ANKRD30A: variants seen among roughly 807,000 people sequenced by gnomAD.
ANKRD30A encodes ankyrin repeat domain-containing protein 30A.
A neutral mutation model predicts 166.3 loss-of-function variants in ANKRD30A; 170 were observed. The observed-to-expected ratio is 1.02, with a 90% CI of 0.90 to 1.16. ANKRD30A has a LOEUF of 1.16. Ranked by LOEUF, ANKRD30A falls within the 50% of genes most tolerant of loss-of-function variation. The probability of loss-of-function intolerance (pLI) is 0.00; values close to 1 mark genes in which losing one functional copy is unlikely to be tolerated. For missense variants in ANKRD30A, 1,630 were observed against 1,518.0 expected, an observed-to-expected ratio of 1.07 and a Z score of -1.23; for synonymous variants, 564 against 508.9, an observed-to-expected ratio of 1.11 and a Z score of -1.46.
At chr10:37,198,103 G>C (rs543595368) in intron 29 of ANKRD30A, among the ~76,000 whole-genome samples, 34 of 152,140 alleles carry the variant, frequency 2.2e-4, no homozygotes, top group African/African-American at 7.9e-4. Context: ...TGAAGTGTTT[G>C]GCTTTAGAGT....
At chr10:37,262,030 TA>T in the ANKRD30A span, 1 of 152,642 alleles carries the variant, frequency 6.6e-6, no homozygotes, top group African/African-American at 2.4e-5. Context: ...TTCCTTATTT[TA>T]AATCTTCAAA....
At chr10:37,206,065 G>C (rs1255716546) in intron 31 of ANKRD30A, among the ~76,000 whole-genome samples, 1 of 152,098 alleles carries the variant, frequency 6.6e-6, no homozygotes, top group Non-Finnish European at 1.5e-5. Context: ...ATAGATGCAC[G>C]ATATTACTTC....
intron 24 of ANKRD30A, chr10:37,178,713 G>GA (rs1343767426): frequency 1.4e-6 from 1 of 706,422 alleles, no homozygotes; most frequent in African/African-American, 1.9e-5. Context: ...GAAAGAGTGG[G>GA]AAAAAATAAT....
chr10:37,209,774 C>T (rs530575902), intron 31 of ANKRD30A, among the ~76,000 whole-genome samples: 36 of 152,052 alleles, frequency 2.4e-4, no homozygotes, highest in African/African-American at 8.2e-4. Flanking sequence ...ACTTAATCTT[C>T]TTTTATATAT....
rs1366971593 is a variant in ANKRD30A at position 37,153,628 on chromosome 10, A to G, written c.1764A>G (p.Gln588=). ...TGTGTTTACCCAAGGCTACACATCA[A>G]AAAGAAATAGATAAAATAAATGGAA... ...KDVCLPKATH[Q]KEIDKINGKL... is the part of the protein sequence containing the mutation. The change falls in exon 13 of 36, where the codon CAA becomes CAG. Residue 588 remains glutamine, a synonymous_variant. Transcript: ENST00000361713. The G allele has an allele frequency of 1.2e-6, 2 of 1,611,858 alleles. No individual in the cohort carries two copies. Among genetic ancestry groups the G allele is most frequent in the African/African-American group, 2.7e-5 (2 of 74,860 alleles).
In ANKRD30A at chr10:37,219,843, T is replaced by A; in HGVS notation, c.4131T>A (p.Asn1377Lys). Reference sequence around the variant, plus strand: ...AAAATGAGGAGATATTTAATTACAATAACCATTTAAAAAACCGTATATATC... The same window carrying A: ...AAAATGAGGAGATATTTAATTACAAAAACCATTTAAAAAACCGTATATATC... Reference protein sequence around the residue: ...KEKNEEIFNYNNHLKNRIYQY... With the variant: ...KEKNEEIFNYKNHLKNRIYQY... The change falls in exon 34 of 36, where the codon AAT (asparagine) becomes AAA (lysine). Residue 1377 changes from asparagine to lysine, a missense_variant. Coordinates refer to ENST00000361713, the MANE Select transcript of ANKRD30A (RefSeq NM_052997.3). 6.3e-7 allele frequency: 1 copy of A among 1,584,710 alleles called. No individual in the cohort carries two copies.
At chr10:37,190,114 A>C (rs1471942328) in intron 25 of ANKRD30A, among the ~76,000 whole-genome samples, 1 of 151,942 alleles carries the variant, frequency 6.6e-6, no homozygotes, top group Non-Finnish European at 1.5e-5. Flanking sequence ...AGGTGAGAAT[A>C]AGCATATCTG....
intron 11 of ANKRD30A, 86 bp from the exon 12 acceptor site, chr10:37,151,974 G>A (rs367660636): frequency 7.2e-5 from 88 of 1,219,768 alleles, no homozygotes; most frequent in Admixed American, 2.9e-4. Flanking sequence ...CCACAGATTC[G>A]TGAATGAAAG....
chr10:37,130,370 C>A lies in ANKRD30A; in HGVS notation c.502C>A (p.His168Asn). 1 of 1,505,586 alleles carries A rather than the reference C, an allele frequency of 6.6e-7. No homozygotes were observed. The highest frequency in any genetic ancestry group is 8.9e-7 in the Non-Finnish European group (1 of 1,124,546). The allele number at this position is 1,505,586 out of a possible 1,614,324, so 93.3% of individuals were successfully genotyped here. The stretch of plus-strand genomic sequence containing the variant: ...GTCCCATGGTGCAGTCATCGAAGTG[C>A]ACAACAAGGTAGACACTAACCAATG... Reference protein sequence around the residue: ...LLSHGAVIEVHNKASLTPLLL... With the variant: ...LLSHGAVIEVNNKASLTPLLL... Residue 168 changes from histidine (H) to asparagine (N), a missense_variant, in exon 3 of 36, where the codon CAC (histidine) becomes AAC (asparagine). Around this residue, in one of 4 missense-constraint regions of ANKRD30A, gnomAD observed 904 missense variants for 818.5 expected, o/e 1.10. Coordinates refer to ENST00000361713, the MANE Select transcript of ANKRD30A (RefSeq NM_052997.3).
chr10:37,227,961 T>G (rs533722716), intron 34 of ANKRD30A, among the ~76,000 whole-genome samples: 1 of 152,086 alleles, frequency 6.6e-6, no homozygotes, highest in African/African-American at 2.4e-5. Flanking sequence ...TCTTTTGACC[T>G]GGCACCTGAT....
Position 37,201,702 on chromosome 10 carries a change from T to C in ANKRD30A, c.2869+377T>C, listed in dbSNP as rs527848000. Among the ~76,000 whole-genome samples the C allele has an allele frequency of 3.3e-5, 5 of 152,140 alleles. No homozygotes were observed. In the South Asian group the frequency reaches 1.0e-3, roughly 32 times the overall value. ...GATGAAATGATTGTTTAGGAAAAGA[T>C]TGGGTGTGGTTAGAAATTTGGGAAG... is the stretch of plus-strand genomic sequence containing the variant. On this transcript the variant is annotated intron_variant, in intron 31 of 35. Coordinates refer to ENST00000361713, the MANE Select transcript of ANKRD30A (RefSeq NM_052997.3).
rs773419215 is a variant in ANKRD30A at position 37,152,128 on chromosome 10, T to C, written c.1707+7T>C. ...AAATTCTTGGGATTCTGAGGTACTA[T>C]GTGTTATTGATTTTTTTTTAATATT... On this transcript the variant is annotated splice_region_variant and intron_variant, in intron 12 of 35. Coordinates refer to ENST00000361713, the MANE Select transcript of ANKRD30A (RefSeq NM_052997.3). The C allele has an allele frequency of 5.0e-6, 8 of 1,598,164 alleles. No homozygotes were observed. The highest frequency in any genetic ancestry group is 6.8e-6 in the Non-Finnish European group (8 of 1,168,356).
intron 15 of ANKRD30A, among the ~76,000 whole-genome samples, chr10:37,159,588 T>C (rs1838675043): frequency 6.6e-6 from 1 of 152,146 alleles, no homozygotes; most frequent in African/African-American, 2.4e-5. Context: ...TTTGTTTTCA[T>C]GTCTTATACG....
At chr10:37,132,657 A>T (rs2132511274) in intron 4 of ANKRD30A, among the ~76,000 whole-genome samples, 2 of 152,306 alleles carry the variant, frequency 1.3e-5, no homozygotes, top group Middle Eastern at 6.8e-3. Context: ...AATGATTAAC[A>T]CTTTTATAGT....
chr10:37,156,798 GAATA>G (rs932082028), intron 13 of ANKRD30A, among the ~76,000 whole-genome samples: 8 of 152,144 alleles, frequency 5.3e-5, no homozygotes, highest in Non-Finnish European at 1.2e-4. Context: ...AGATATTAAT[GAATA>G]GAGAATGACC....
chr10:37,261,200 C>T, the ANKRD30A span, among the ~76,000 whole-genome samples: 1 of 152,084 alleles, frequency 6.6e-6, no homozygotes, highest in East Asian at 1.9e-4. Flanking sequence ...CAGAGTTGTG[C>T]CTTAGTGGTT....
rs1842480191 is a variant in ANKRD30A, at chr10:37,214,051, A to C, written c.2870-2130A>C. 2.0e-5 allele frequency among the ~76,000 whole-genome samples: 3 copies of C among 151,586 alleles called. No individual in the cohort carries two copies. The South Asian group carries it at 6.2e-4, about 31-fold the overall frequency. On this transcript the variant is annotated intron_variant, in intron 31 of 35. Transcript: ENST00000361713. Reference sequence around the variant, plus strand: ...TTGGGCATTTGTCCATTTCTTTTGCAGTTCTATCTTTGTATCATGTATTTT... The same window carrying C: ...TTGGGCATTTGTCCATTTCTTTTGCCGTTCTATCTTTGTATCATGTATTTT...
At chr10:37,259,404 G>A in the ANKRD30A span, among the ~76,000 whole-genome samples, 4 of 152,158 alleles carry the variant, frequency 2.6e-5, no homozygotes, top group African/African-American at 7.2e-5. Context: ...ACTAGAACTG[G>A]TGAAGGTAAA....
chr10:37,191,306 C>G (rs1438571100), intron 25 of ANKRD30A, among the ~76,000 whole-genome samples: 3 of 151,874 alleles, frequency 2.0e-5, no homozygotes, highest in East Asian at 3.9e-4. Context: ...ATATTATGCT[C>G]TAAATATATA....
Sources: gnomAD v4.1 joint callset for allele counts (sites outside exome capture counted in the v4.1 genomes callset) on GRCh38, gnomAD v4.1.1 for gene constraint, gnomAD v4.1.1 regional missense constraint, MANE v1.5 for transcripts, NCBI Gene and HGNC (gene_info 2026-07-23, HGNC 2026-07-21) for gene names.